CFAP47: variants seen among roughly 807,000 people sequenced by gnomAD.
CFAP47 encodes cilia- and flagella-associated protein 47.
A neutral mutation model predicts 148.1 loss-of-function variants in CFAP47; 29 were observed. The ratio of observed to expected loss-of-function variants is 0.20; its 90% CI spans 0.15 to 0.27. The LOEUF (loss-of-function observed/expected upper bound fraction) is 0.27. Ranked by LOEUF, CFAP47 falls within the 10% of genes least tolerant of loss-of-function variation. The pLI is 1.00. For missense variants in CFAP47, 1,872 were observed against 1,697.5 expected, an observed-to-expected ratio of 1.10 and a Z score of -1.81; for synonymous variants, 664 against 577.3, an observed-to-expected ratio of 1.15 and a Z score of -2.15.
intron 15 of CFAP47, 134 bp from the exon 16 acceptor site, chrX:35,989,185 G>C (rs1022007142): frequency 2.0e-6 from 1 of 490,263 alleles, no homozygotes; most frequent in African/African-American, 2.4e-5. Context: ...GCATTTTTCT[G>C]TTTTTGGAGT....
chrX:36,040,242 A>G (rs1231783459), intron 25 of CFAP47, among the ~76,000 whole-genome samples: 1 of 112,271 alleles, frequency 8.9e-6, no homozygotes, highest in African/African-American at 3.2e-5. Flanking sequence ...AAGTCATCAA[A>G]TAATTATAAA....
At chrX:36,039,790 C>G (rs1937381791) in intron 25 of CFAP47, among the ~76,000 whole-genome samples, 1 of 112,042 alleles carries the variant, frequency 8.9e-6, no homozygotes, top group Non-Finnish European at 1.9e-5. Context: ...TGGTGTACAA[C>G]TAATTCAAGG....
intron 42 of CFAP47, among the ~76,000 whole-genome samples, chrX:36,194,264 A>T (rs1053174209): frequency 9.0e-5 from 10 of 111,081 alleles, no homozygotes; most frequent in Non-Finnish European, 1.9e-4. Flanking sequence ...CACTCAAGGG[A>T]CTCACATTCC....
intron 33 of CFAP47, among the ~76,000 whole-genome samples, chrX:36,119,188 G>A (rs142501801): frequency 8.1e-4 from 91 of 111,850 alleles, no homozygotes; most frequent in African/African-American, 2.7e-3. Flanking sequence ...TCCCCATTTG[G>A]TATGATACTA....
chrX:36,023,272 G>A (rs1009447509), intron 22 of CFAP47, among the ~76,000 whole-genome samples: 1 of 112,136 alleles, frequency 8.9e-6, no homozygotes, highest in African/African-American at 3.2e-5. Flanking sequence ...GAATTATCAG[G>A]CAGAGACTTG....
intron 61 of CFAP47, among the ~76,000 whole-genome samples, chrX:36,362,351 T>A (rs781848669): frequency 1.8e-5 from 2 of 112,060 alleles, no homozygotes; most frequent in Non-Finnish European, 3.8e-5. Flanking sequence ...AGCGTCTGTT[T>A]TTCCCATGTT....
At chrX:35,926,681 GTTTC>G (rs1275291002) in intron 2 of CFAP47, among the ~76,000 whole-genome samples, 109 of 111,720 alleles carry the variant, frequency 9.8e-4, no homozygotes, top group African/African-American at 3.2e-3. Flanking sequence ...AATTTAAAGT[GTTTC>G]TTTATTTATA....
chrX:36,361,490 G>T lies in CFAP47; in HGVS notation c.9012G>T (p.Lys3004Asn). ...TFIFNLVFTP[K>N]KPLRSHITLK... ...TCTTCAATCTGGTATTCACACCAAA[G>T]AAACCATTAAGGTAAATCTACTTTC... Residue 3004 changes from lysine to asparagine, a missense_variant, in exon 61 of 64, where the codon AAG (lysine) becomes AAT (asparagine). Lys to Asn is a moderately conservative substitution (Grantham distance 94, BLOSUM62 0). Coordinates refer to ENST00000378653, the MANE Select transcript of CFAP47 (RefSeq NM_001304548.2). 1 of 1,017,957 alleles carries T rather than the reference G, an allele frequency of 9.8e-7. No individual in the cohort carries two copies. The highest frequency in any genetic ancestry group is 1.3e-6 in the Non-Finnish European group (1 of 760,303). 83.9% of individuals were successfully genotyped at this position (1,017,957 alleles called of 1,213,427 possible).
chrX:36,038,155 C>T (rs1206163655), intron 24 of CFAP47, among the ~76,000 whole-genome samples: 1 of 111,731 alleles, frequency 9.0e-6, no homozygotes, highest in Non-Finnish European at 1.9e-5. Context: ...CACTAAGTGC[C>T]ACTTTTGAAC....
chrX:36,220,874 G>A lies in CFAP47; in HGVS notation c.6818-7754G>A, dbSNP rs1048813768. Among the ~76,000 whole-genome samples, 6 of 111,680 alleles carry A rather than the reference G, an allele frequency of 5.4e-5. No individual in the cohort carries two copies. The East Asian group carries it at 1.4e-3, about 26-fold the overall frequency. On this transcript the variant is annotated intron_variant, in intron 45 of 63. Transcript: ENST00000378653. ...TTTTTAAAGGAACAAAAGTTATACTGAAGGCAGAATTACCAACAGTAACAT... is the reference window on the plus strand; with the variant it reads ...TTTTTAAAGGAACAAAAGTTATACTAAAGGCAGAATTACCAACAGTAACAT...
intron 32 of CFAP47, among the ~76,000 whole-genome samples, chrX:36,103,501 G>GAAAAAAAA (rs61501194): frequency 2.0e-4 from 3 of 15,047 alleles, no homozygotes; most frequent in African/African-American, 7.1e-4. Context: ...TCATATGCCA[G>GAAAAAAAA]AAAAAAAAAA....
chrX:36,078,037 GA>G (rs752354772), intron 29 of CFAP47, among the ~76,000 whole-genome samples: 4 of 103,175 alleles, frequency 3.9e-5, no homozygotes, highest in South Asian at 4.3e-4. Flanking sequence ...TCAAAAAAAA[GA>G]AAAAAAAAAG....
In CFAP47 at chrX:35,941,407, T is replaced by G. The variant is rs1936007216; in HGVS notation, c.517+9T>G. On this transcript the variant is annotated intron_variant, in intron 3 of 63. Coordinates refer to ENST00000378653, the MANE Select transcript of CFAP47 (RefSeq NM_001304548.2). ...CCATGGCAAAGCTCCAGGTAAATCCTTCCTGTCATATTTACTTACACTTTT... is the reference window on the plus strand; with the variant it reads ...CCATGGCAAAGCTCCAGGTAAATCCGTCCTGTCATATTTACTTACACTTTT... 1.1e-6 allele frequency: 1 copy of G among 915,178 alleles called. No homozygotes were observed. Among genetic ancestry groups the G allele is most frequent in the African/African-American group, 2.1e-5 (1 of 48,692 alleles). The allele number at this position is 915,178 out of a possible 1,213,427, so 75.4% of individuals were successfully genotyped here.
chrX:36,248,905 G>A (rs1013253476), intron 48 of CFAP47, among the ~76,000 whole-genome samples: 3 of 110,007 alleles, frequency 2.7e-5, no homozygotes, highest in Non-Finnish European at 3.8e-5. Flanking sequence ...TTGAATATGC[G>A]GAATTTAAAA....
At chrX:36,169,102 T>G (rs2146855895) in intron 39 of CFAP47, among the ~76,000 whole-genome samples, 1 of 111,533 alleles carries the variant, frequency 9.0e-6, no homozygotes, top group East Asian at 2.8e-4. Context: ...TCCTATTGTC[T>G]TCTATCTTCC....
chrX:36,333,774 A>T (rs1941583386), intron 57 of CFAP47, among the ~76,000 whole-genome samples: 1 of 110,662 alleles, frequency 9.0e-6, no homozygotes, highest in Non-Finnish European at 1.9e-5. Context: ...CTCTTTCTCC[A>T]GTTCATTACC....
intron 22 of CFAP47, among the ~76,000 whole-genome samples, chrX:36,028,237 T>C (rs191230270): frequency 9.0e-6 from 1 of 111,589 alleles, no homozygotes; most frequent in East Asian, 2.8e-4. Context: ...TGGGTCCATG[T>C]CTGGAAGAGC....
At chrX:36,039,690 G>T (rs1937380689) in intron 25 of CFAP47, among the ~76,000 whole-genome samples, 1 of 111,355 alleles carries the variant, frequency 9.0e-6, no homozygotes, top group Non-Finnish European at 1.9e-5. Flanking sequence ...TGATTTCATG[G>T]TCCTTATAGA....
At position 36,301,169 on chromosome X, in the gene CFAP47, G is replaced by A. The variant is rs1371197100; in HGVS notation, c.7960G>A (p.Asp2654Asn). 1.5e-5 allele frequency: 17 copies of A among 1,114,503 alleles called. No homozygotes were observed. The highest frequency in any genetic ancestry group is 1.2e-4 in the South Asian group (6 of 49,380). The allele number at this position is 1,114,503 out of a possible 1,213,427, so 91.8% of individuals were successfully genotyped here. Residue 2654 changes from aspartate (D) to asparagine (N), a missense_variant, in exon 53 of 64, where the codon GAC becomes AAC. Transcript: ENST00000378653. ...KPTTMPEIQC[D>N]LGKHVTQIIP... ...AACCACAATGCCAGAAATACAGTGC[G>A]ACCTTGGCAAGTAAGTTCTACTTAA...
Sources: gnomAD v4.1 joint callset for allele counts (sites outside exome capture counted in the v4.1 genomes callset) on GRCh38, gnomAD v4.1.1 for gene constraint, MANE v1.5 for transcripts, NCBI Gene and HGNC (gene_info 2026-07-23, HGNC 2026-07-21) for gene names.